Variants in RBFOX1 observed in about 807,000 individuals in gnomAD.
RBFOX1 encodes the protein RNA binding protein fox-1 homolog 1.
RBFOX1 carries 8 observed loss-of-function variants against 57.7 expected under a neutral mutation model. The observed-to-expected ratio is 0.14, with a 90% CI of 0.08 to 0.25. The LOEUF (loss-of-function observed/expected upper bound fraction) is 0.25, where lower values mean the gene tolerates loss of function less well. RBFOX1 is among the 10% of genes least tolerant of loss of function. The pLI is 1.00. For synonymous variants in RBFOX1, 326 were observed against 222.4 expected (o/e 1.47, Z -4.15); for missense variants, 611 against 548.5 (o/e 1.11, Z -1.14).
chr16:6,520,611 C>A (rs758529917), intron 2 of RBFOX1, among the ~76,000 whole-genome samples: 1 of 152,104 alleles, frequency 6.6e-6, no homozygotes, highest in Non-Finnish European at 1.5e-5. Context: ...ATGTGGGCAC[C>A]TTTAGCTTGA....
intron 3 of RBFOX1, among the ~76,000 whole-genome samples, chr16:6,953,647 A>T (rs556943768): frequency 1.3e-5 from 2 of 152,304 alleles, no homozygotes; most frequent in South Asian, 2.1e-4. Flanking sequence ...TCGGCCTCCC[A>T]AAGCGCTGGG....
At chr16:6,732,588 C>T (rs563361310) in intron 3 of RBFOX1, among the ~76,000 whole-genome samples, 1 of 152,202 alleles carries the variant, frequency 6.6e-6, no homozygotes, top group Admixed American at 6.5e-5. Flanking sequence ...GATTAATGCA[C>T]GTAGTAGGTC....
intron 4 of RBFOX1, among the ~76,000 whole-genome samples, chr16:5,959,883 G>C (rs1031193738): frequency 6.6e-6 from 1 of 152,152 alleles, no homozygotes; most frequent in Non-Finnish European, 1.5e-5. Context: ...TCCCCATCCA[G>C]CTACCAACAA....
At chr16:6,064,086 C>A (rs80118803) in intron 1 of RBFOX1, among the ~76,000 whole-genome samples, 1 of 151,944 alleles carries the variant, frequency 6.6e-6, no homozygotes, top group Non-Finnish European at 1.5e-5. Context: ...TGATACATTC[C>A]CCTTTTGGTC....
intron 3 of RBFOX1, among the ~76,000 whole-genome samples, chr16:6,823,794 A>T (rs2091719829): frequency 6.6e-6 from 1 of 152,126 alleles, no homozygotes; most frequent in Non-Finnish European, 1.5e-5. Flanking sequence ...GAAAACTAAT[A>T]ATAGGAGATT....
At chr16:7,403,091 G>A (rs1452400561) in intron 4 of RBFOX1, among the ~76,000 whole-genome samples, 1 of 152,108 alleles carries the variant, frequency 6.6e-6, no homozygotes, top group Non-Finnish European at 1.5e-5. Context: ...TTTTCCCCCG[G>A]CTCTATGGGG....
intron 3 of RBFOX1, among the ~76,000 whole-genome samples, chr16:7,033,377 A>G (rs8061492): frequency 0.087 from 13,257 of 152,162 alleles, 950 homozygotes; most frequent in East Asian, 0.32. Context: ...AAAATTAGCC[A>G]GATGTGATGG....
intron 2 of RBFOX1, among the ~76,000 whole-genome samples, chr16:6,333,520 C>G (rs898600130): frequency 2.0e-5 from 3 of 152,118 alleles, no homozygotes; most frequent in Non-Finnish European, 4.4e-5. Flanking sequence ...ACATTCTTTT[C>G]TATCACTTGT....
At chr16:6,377,277 A>G (rs1488691832) in intron 2 of RBFOX1, among the ~76,000 whole-genome samples, 2 of 144,808 alleles carry the variant, frequency 1.4e-5, no homozygotes, top group Non-Finnish European at 3.1e-5. Context: ...CTGTCTCAAA[A>G]AAAAAAAAAA....
intron 14 of RBFOX1, among the ~76,000 whole-genome samples, chr16:7,702,359 C>A (rs901648997): frequency 7.9e-5 from 12 of 152,164 alleles, no homozygotes; most frequent in Non-Finnish European, 1.3e-4. Flanking sequence ...CCCACAGAAT[C>A]CCCAAGAAGC....
chr16:6,780,429 T>TA (rs2080741479), intron 3 of RBFOX1, among the ~76,000 whole-genome samples: 3 of 108,670 alleles, frequency 2.8e-5, no homozygotes, highest in Admixed American at 1.3e-4. Flanking sequence ...TTTATATATA[T>TA]TTATAGATAT....
chr16:6,344,663 C>G (rs573048134), intron 2 of RBFOX1, among the ~76,000 whole-genome samples: 37 of 142,636 alleles, frequency 2.6e-4, no homozygotes, highest in African/African-American at 9.7e-4. Context: ...TCCCAAAGTG[C>G]TGGGATTACA....
intron 4 of RBFOX1, among the ~76,000 whole-genome samples, chr16:5,977,271 G>A (rs2060083948): frequency 6.6e-6 from 1 of 152,180 alleles, no homozygotes; most frequent in Non-Finnish European, 1.5e-5. Context: ...CCTGCCCCAT[G>A]ACCCTGGAGG....
intron 2 of RBFOX1, among the ~76,000 whole-genome samples, chr16:6,540,855 G>A (rs147443713): frequency 6.6e-6 from 1 of 152,022 alleles, no homozygotes; most frequent in African/African-American, 2.4e-5. Context: ...CTTTATCTCA[G>A]ATTGTATTCA....
At chr16:7,264,269 A>G (rs1371931195) in intron 4 of RBFOX1, among the ~76,000 whole-genome samples, 1 of 152,214 alleles carries the variant, frequency 6.6e-6, no homozygotes, top group Non-Finnish European at 1.5e-5. Context: ...AGAAAAAACA[A>G]AATTGGTAAA....
intron 14 of RBFOX1, among the ~76,000 whole-genome samples, chr16:7,689,150 T>TC (rs1198960787): frequency 6.6e-6 from 1 of 152,104 alleles, no homozygotes; most frequent in Non-Finnish European, 1.5e-5. Context: ...CAACTTGCAG[T>TC]CATAAGTGCC....
chr16:5,510,421 C>T (rs1249506517), intron 2 of RBFOX1, among the ~76,000 whole-genome samples: 2 of 152,150 alleles, frequency 1.3e-5, no homozygotes, highest in South Asian at 2.1e-4. Flanking sequence ...CTATGGATCT[C>T]GTGGAGTTGG....
chr16:7,012,587 T>C (rs1307861896), intron 3 of RBFOX1, among the ~76,000 whole-genome samples: 1 of 152,210 alleles, frequency 6.6e-6, no homozygotes, highest in Admixed American at 6.5e-5. Context: ...GATTTTTAAA[T>C]GCTGCTAACA....
chr16:6,035,156 A>G (rs1022041054), intron 1 of RBFOX1, among the ~76,000 whole-genome samples: 11 of 152,348 alleles, frequency 7.2e-5, no homozygotes, highest in Admixed American at 2.6e-4. Context: ...AGACGTCTCC[A>G]GATTTTGCCA....
Sources: allele counts gnomAD v4.1 joint callset (sites outside exome capture counted in the v4.1 genomes callset), GRCh38; gene constraint gnomAD v4.1.1; transcripts MANE v1.5; gene names NCBI Gene and HGNC (gene_info 2026-07-23, HGNC 2026-07-21).